The following KANK1 variants were observed in gnomAD, a reference collection of about 807,000 sequenced individuals.
KANK1 encodes the protein KN motif and ankyrin repeat domain-containing protein 1.
In KANK1, 109 loss-of-function variants were observed where a neutral mutation model predicts 106.2. The ratio of observed to expected loss-of-function variants is 1.03; its 90% CI spans 0.88 to 1.20. The LOEUF (loss-of-function observed/expected upper bound fraction) is 1.20, where lower values mean the gene tolerates loss of function less well. KANK1 is among the 50% of genes most tolerant of loss of function. The pLI is 0.00. For missense variants in KANK1, 2,399 were observed against 1,710.7 expected, an observed-to-expected ratio of 1.40 and a Z score of -7.10; for synonymous variants, 873 against 652.2, an observed-to-expected ratio of 1.34 and a Z score of -5.16.
chr9:650,669 T>C (rs1840687036), intron 1 of KANK1, among the ~76,000 whole-genome samples: 1 of 152,090 alleles, frequency 6.6e-6, no homozygotes, highest in African/African-American at 2.4e-5. Context: ...AGGAGCTGTG[T>C]TTTAGCTAGA....
chr9:740,694 C>A lies in KANK1; in HGVS notation c.3554-98C>A, dbSNP rs1268446353. The A allele has an allele frequency of 9.2e-6, 12 of 1,307,832 alleles. No homozygotes were observed. The African/African-American group carries it at 1.8e-4, about 19-fold the overall frequency. 81.0% of individuals were successfully genotyped at this position (1,307,832 alleles called of 1,614,324 possible). A position where few individuals can be genotyped will look rare whatever the true frequency, so the allele number is the denominator to read the frequency against. ...TCTCCAGCCACCTGGTACCATTTCA[C>A]TGGGCTCCTGTAAACACCATCCCTT... On this transcript the variant is annotated intron_variant, in intron 8 of 11. Coordinates refer to ENST00000382297, the MANE Select transcript of KANK1 (RefSeq NM_015158.5).
rs570783110 is a variant in KANK1, at chr9:506,149, G to A, written c.-84+1395G>A. ...TGCCCCCAAAAAGAACCCCTATACCGATTAGCAGTCATTCTTCCATCTCCC... is the reference window on the plus strand; with the variant it reads ...TGCCCCCAAAAAGAACCCCTATACCAATTAGCAGTCATTCTTCCATCTCCC... On this transcript the variant is annotated intron_variant, in intron 1 of 11. Coordinates refer to ENST00000382297, the MANE Select transcript of KANK1 (RefSeq NM_015158.5). 3.0e-3 allele frequency among the ~76,000 whole-genome samples: 464 copies of A among 152,152 alleles called. 3 individuals are homozygous for A. Among genetic ancestry groups the A allele is most frequent in the African/African-American group, 0.011 (447 of 41,510 alleles).
chr9:537,157 C>T (rs1305770423), intron 1 of KANK1, among the ~76,000 whole-genome samples: 1 of 152,194 alleles, frequency 6.6e-6, no homozygotes, highest in Non-Finnish European at 1.5e-5. Context: ...AATGAAACCA[C>T]CTCCTAAACA....
At chr9:684,003 A>G (rs768656224) in intron 2 of KANK1, among the ~76,000 whole-genome samples, 3 of 152,206 alleles carry the variant, frequency 2.0e-5, no homozygotes, top group Non-Finnish European at 2.9e-5. Flanking sequence ...CCACCTACAA[A>G]TGGGGGACAC....
chr9:495,593 T>C (rs1041924753), intron 3 of KANK1: 1 of 152,108 alleles, frequency 6.6e-6, no homozygotes, highest in African/African-American at 2.4e-5. Flanking sequence ...GCATTGAATA[T>C]AACTAACTCT....
At position 712,082 on chromosome 9, in the gene KANK1, G is replaced by C. The variant is rs376639918; in HGVS notation, c.1316G>C (p.Ser439Thr). 2.5e-6 allele frequency: 4 copies of C among 1,614,064 alleles called. No individual in the cohort carries two copies. Among genetic ancestry groups the C allele is most frequent in the African/African-American group, 1.3e-5 (1 of 74,922 alleles). ...TLVEMRNCGV[S>T]VTEAMLGVMT... ...GTTGAGATGAGAAATTGTGGGGTCA[G>C]CGTGACAGAGGCCATGCTTGGAGTG... is the stretch of plus-strand genomic sequence containing the variant. Residue 439 changes from serine to threonine, a missense_variant, in exon 3 of 12, where the codon AGC (serine) becomes ACC (threonine). Coordinates refer to ENST00000382297, the MANE Select transcript of KANK1 (RefSeq NM_015158.5).
At chr9:509,422 A>T (rs1297964862) in intron 1 of KANK1, among the ~76,000 whole-genome samples, 2 of 152,176 alleles carry the variant, frequency 1.3e-5, no homozygotes, top group African/African-American at 4.8e-5. Flanking sequence ...ATCCTAGCAG[A>T]CTAATTATTT....
chr9:711,547 C>G lies in KANK1; in HGVS notation c.781C>G (p.Gln261Glu), dbSNP rs1274037249. Reference protein sequence around the residue: ...PVTNVSPMHLQHIREQMAIAL... With the variant: ...PVTNVSPMHLEHIREQMAIAL... ...GACCAACGTGAGCCCCATGCACCTG[C>G]AGCACATCCGCGAGCAGATGGCCAT... The change falls in exon 3 of 12, where the codon CAG (glutamine) becomes GAG (glutamate). Residue 261 changes from glutamine to glutamate, a missense_variant. Coordinates refer to ENST00000382297, the MANE Select transcript of KANK1 (RefSeq NM_015158.5). The G allele has an allele frequency of 6.2e-7, 1 of 1,613,626 alleles. No homozygotes were observed. The highest frequency in any genetic ancestry group is 2.2e-5 in the East Asian group (1 of 44,896).
intron 1 of KANK1, among the ~76,000 whole-genome samples, chr9:645,126 CAAA>C (rs56391632): frequency 5.6e-5 from 4 of 71,122 alleles, no homozygotes; most frequent in East Asian, 4.1e-4. Context: ...TCCATCTCTA[CAAA>C]AAAAAAAAAA....
Position 738,322 on chromosome 9 carries a change from G to A in KANK1, c.3371G>A (p.Arg1124His), listed in dbSNP as rs114055800. ...AACACCCTCCAGCACGAGTGGTTCCGCGTGTCCAGTCAGAAGTCAGCCATT... is the reference window on the plus strand; with the variant it reads ...AACACCCTCCAGCACGAGTGGTTCCACGTGTCCAGTCAGAAGTCAGCCATT... ...CLNTLQHEWF[R>H]VSSQKSAIPA... Residue 1124 changes from arginine (R) to histidine (H), a missense_variant, in exon 8 of 12, where the codon CGC becomes CAC. Coordinates refer to ENST00000382297, the MANE Select transcript of KANK1 (RefSeq NM_015158.5). 1,384 of 1,613,984 alleles carry A rather than the reference G, an allele frequency of 8.6e-4. No individual in the cohort carries two copies. Among genetic ancestry groups the A allele is most frequent in the Non-Finnish European group, 1.1e-3 (1,283 of 1,179,978 alleles).
chr9:615,570 G>C (rs1346750842), intron 1 of KANK1, among the ~76,000 whole-genome samples: 1 of 152,146 alleles, frequency 6.6e-6, no homozygotes, highest in South Asian at 2.1e-4. Context: ...ATTCCCACTT[G>C]TTCTTGTGGT....
chr9:558,612 T>G (rs1434495975), intron 1 of KANK1, among the ~76,000 whole-genome samples: 1 of 151,538 alleles, frequency 6.6e-6, no homozygotes, highest in Non-Finnish European at 1.5e-5. Flanking sequence ...TTGTTGTGAT[T>G]AAGAACATTA....
rs144413163 is a variant in KANK1, at chr9:713,383, A to G, written c.2617A>G (p.Ile873Val). The change falls in exon 3 of 12, where the codon ATC becomes GTC. Residue 873 changes from isoleucine (I) to valine (V), a missense_variant. Coordinates refer to ENST00000382297, the MANE Select transcript of KANK1 (RefSeq NM_015158.5). Reference protein sequence around the residue: ...NSQLISTLSSINSVMKSASTE... With the variant: ...NSQLISTLSSVNSVMKSASTE... Reference sequence around the variant, plus strand: ...TCAGCTCATCAGCACCCTGTCGTCTATCAACTCTGTCATGAAATCTGCAAG... The same window carrying G: ...TCAGCTCATCAGCACCCTGTCGTCTGTCAACTCTGTCATGAAATCTGCAAG... 4.3e-5 allele frequency: 69 copies of G among 1,613,838 alleles called. No individual in the cohort carries two copies. The highest frequency in any genetic ancestry group is 9.3e-5 in the African/African-American group (7 of 74,928).
chr9:686,580 G>A (rs1818628455), intron 2 of KANK1, among the ~76,000 whole-genome samples: 1 of 151,302 alleles, frequency 6.6e-6, no homozygotes, highest in South Asian at 2.1e-4. Context: ...CAGCTTACAG[G>A]AAAAAAAAAT....
At chr9:654,989 T>C (rs917206993) in intron 1 of KANK1, among the ~76,000 whole-genome samples, 2 of 152,174 alleles carry the variant, frequency 1.3e-5, no homozygotes, top group African/African-American at 4.8e-5. Flanking sequence ...TGGAATCTCC[T>C]GGAGGAGCTT....
intron 1 of KANK1, among the ~76,000 whole-genome samples, chr9:562,344 G>A (rs1019178805): frequency 5.3e-5 from 8 of 152,134 alleles, no homozygotes; most frequent in African/African-American, 1.9e-4. Context: ...GAGCCACCGC[G>A]CCCGGCCCAA....
intron 1 of KANK1, chr9:659,877 G>GA (rs1358678090): frequency 6.3e-6 from 1 of 158,608 alleles, no homozygotes; most frequent in Non-Finnish European, 1.4e-5. Flanking sequence ...TTAACGTTAA[G>GA]AATCTGAAGA....
chr9:535,706 A>G (rs952187268), intron 1 of KANK1, among the ~76,000 whole-genome samples: 3 of 152,206 alleles, frequency 2.0e-5, no homozygotes, highest in East Asian at 1.9e-4. Flanking sequence ...GTAGGCAGCA[A>G]ATGGGCTGTA....
chr9:502,762 G>A (rs149781371), upstream of KANK1, among the ~76,000 whole-genome samples: 2,557 of 152,248 alleles, frequency 0.017, 34 homozygotes, highest in South Asian at 0.06. Flanking sequence ...CTGGCCTCAA[G>A]TGATCCACCC....
Sources: allele counts gnomAD v4.1 joint callset (sites outside exome capture counted in the v4.1 genomes callset), GRCh38; gene constraint gnomAD v4.1.1; transcripts MANE v1.5; gene names NCBI Gene and HGNC (gene_info 2026-07-23, HGNC 2026-07-21).